STAU2: variants seen among roughly 807,000 people sequenced by gnomAD.
STAU2 encodes the protein staufen double-stranded RNA binding protein 2, also known as double-stranded RNA-binding protein Staufen homolog 2.
STAU2 carries 20 observed loss-of-function variants against 65.9 expected under a neutral mutation model. That is an observed-to-expected ratio of 0.30 (90% CI 0.21 to 0.44). The LOEUF (loss-of-function observed/expected upper bound fraction) is 0.44. Ranked by LOEUF, STAU2 falls within the 20% of genes least tolerant of loss-of-function variation. The pLI, the probability that STAU2 is intolerant of heterozygous loss-of-function variation, is 1.00. For missense variants in STAU2, 558 were observed against 683.9 expected (o/e 0.82, Z 2.05); for synonymous variants, 232 against 233.9 (o/e 0.99, Z 0.07).
At chr8:73,428,449 A>G (rs957306207) in intron 13 of STAU2, among the ~76,000 whole-genome samples, 1 of 152,102 alleles carries the variant, frequency 6.6e-6, no homozygotes, top group Non-Finnish European at 1.5e-5. Context: ...ATATCTCTTG[A>G]CACACAAATT....
At chr8:73,459,509 C>A (rs1180487924) in intron 13 of STAU2, among the ~76,000 whole-genome samples, 1 of 152,150 alleles carries the variant, frequency 6.6e-6, no homozygotes, top group Non-Finnish European at 1.5e-5. Context: ...TGGAAGCACT[C>A]TGGTTTCTGG....
At chr8:73,723,988 GTTCCT>G (rs1284095782) in intron 3 of STAU2, among the ~76,000 whole-genome samples, 3 of 152,160 alleles carry the variant, frequency 2.0e-5, no homozygotes, top group African/African-American at 4.8e-5. Context: ...GAAATAGTTT[GTTCCT>G]TTCAAGTCTT....
chr8:73,564,545 ATAAC>A (rs1258533079), intron 12 of STAU2, among the ~76,000 whole-genome samples: 1 of 152,134 alleles, frequency 6.6e-6, no homozygotes, highest in East Asian at 1.9e-4. Context: ...ATCAGGAAAA[ATAAC>A]TAACAGGTAC....
chr8:73,422,568 C>T, intron 14 of STAU2, 46 bp downstream of exon 14: 1 of 1,374,242 alleles, frequency 7.3e-7, no homozygotes, highest in South Asian at 1.4e-5. Flanking sequence ...ATCTTTTGTA[C>T]AGTTACAATT....
intron 3 of STAU2, among the ~76,000 whole-genome samples, chr8:73,737,617 T>C (rs1806535727): frequency 1.3e-5 from 2 of 151,394 alleles, no homozygotes; most frequent in South Asian, 2.1e-4. Context: ...TTACCCAGTC[T>C]GGCTCAAACT....
At chr8:73,568,749 G>A (rs1271595877) in intron 12 of STAU2, among the ~76,000 whole-genome samples, 1 of 152,038 alleles carries the variant, frequency 6.6e-6, no homozygotes, top group East Asian at 1.9e-4. Context: ...AATAAAGTTG[G>A]GTCCATACTT....
At chr8:73,556,834 A>C (rs1194851613) in intron 12 of STAU2, among the ~76,000 whole-genome samples, 1 of 152,144 alleles carries the variant, frequency 6.6e-6, no homozygotes, top group Admixed American at 6.5e-5. Context: ...ACAGATTGCA[A>C]AAGGGCATGA....
intron 13 of STAU2, among the ~76,000 whole-genome samples, chr8:73,485,458 C>G (rs1820866840): frequency 6.6e-6 from 1 of 151,932 alleles, no homozygotes; most frequent in Non-Finnish European, 1.5e-5. Flanking sequence ...GAGAAAAGTG[C>G]CAAGTGCAAG....
At chr8:73,649,869 T>TTATCTATATATA (rs71269927) in intron 6 of STAU2, among the ~76,000 whole-genome samples, 1 of 71,656 alleles carries the variant, frequency 1.4e-5, no homozygotes, top group Non-Finnish European at 2.6e-5. Context: ...CTATATAATT[T>TTATCTATATATA]TATATATATA....
At chr8:73,689,527 A>T (rs1402408876) in intron 4 of STAU2, among the ~76,000 whole-genome samples, 1 of 152,068 alleles carries the variant, frequency 6.6e-6, no homozygotes, top group Non-Finnish European at 1.5e-5. Context: ...AGCATGGCAC[A>T]AAGGCTCTAC....
chr8:73,459,728 G>T (rs16938663), intron 13 of STAU2, among the ~76,000 whole-genome samples: 10,940 of 152,188 alleles, frequency 0.072, 811 homozygotes, highest in African/African-American at 0.18. Context: ...TCACACCCAC[G>T]CTGTTGTCAC....
chr8:73,439,356 C>T, intron 13 of STAU2: 1 of 268,792 alleles, frequency 3.7e-6, no homozygotes, highest in South Asian at 3.8e-5. Context: ...GTGGCTCATG[C>T]CTGTAATCCC....
intron 6 of STAU2, among the ~76,000 whole-genome samples, chr8:73,630,188 T>A (rs569783563): frequency 6.6e-6 from 1 of 152,382 alleles, no homozygotes; most frequent in African/African-American, 2.4e-5. Flanking sequence ...GAATGCACTA[T>A]GTGGATTTCA....
chr8:73,733,466 A>C (rs1360611271), intron 3 of STAU2, among the ~76,000 whole-genome samples: 2 of 152,194 alleles, frequency 1.3e-5, no homozygotes, highest in Non-Finnish European at 2.9e-5. Context: ...GGGGACCTAT[A>C]ATTAATGATC....
At chr8:73,674,260 G>T (rs569404886) in intron 5 of STAU2, among the ~76,000 whole-genome samples, 4 of 151,728 alleles carry the variant, frequency 2.6e-5, no homozygotes, top group African/African-American at 9.7e-5. Context: ...CAAAAGGGGT[G>T]GGGGAGCAAT....
chr8:73,694,937 C>T (rs1383588284), intron 4 of STAU2, among the ~76,000 whole-genome samples: 1 of 152,200 alleles, frequency 6.6e-6, no homozygotes, highest in African/African-American at 2.4e-5. Flanking sequence ...AGGGGAATTG[C>T]CCATCATAGC....
chr8:73,668,034 C>G (rs1238824949), intron 6 of STAU2, among the ~76,000 whole-genome samples: 1 of 152,094 alleles, frequency 6.6e-6, no homozygotes, highest in African/African-American at 2.4e-5. Flanking sequence ...ACATATAACC[C>G]AGGCTTGGCT....
At chr8:73,715,018 T>C (rs1019437863) in intron 3 of STAU2, among the ~76,000 whole-genome samples, 10 of 150,744 alleles carry the variant, frequency 6.6e-5, no homozygotes, top group African/African-American at 2.2e-4. Flanking sequence ...GAGGTGGTGG[T>C]TGCAAGTGGA....
chr8:73,722,815 C>T (rs1261249253), intron 3 of STAU2, among the ~76,000 whole-genome samples: 1 of 152,170 alleles, frequency 6.6e-6, no homozygotes, highest in Non-Finnish European at 1.5e-5. Flanking sequence ...CCCAATTTAC[C>T]ATGGTCCAAT....
Sources: gnomAD v4.1 joint callset for allele counts (sites outside exome capture counted in the v4.1 genomes callset) on GRCh38, gnomAD v4.1.1 for gene constraint, MANE v1.5 for transcripts, NCBI Gene and HGNC (gene_info 2026-07-23, HGNC 2026-07-21) for gene names.